The following ROBO2 variants were observed in gnomAD, a reference collection of about 807,000 sequenced individuals.
ROBO2 encodes roundabout homolog 2.
ROBO2 carries 53 observed loss-of-function variants against 160.8 expected under a neutral mutation model. The observed-to-expected ratio is 0.33, with a 90% CI of 0.26 to 0.41. The LOEUF is 0.41. Ranked by LOEUF, ROBO2 falls within the 10% of genes least tolerant of loss-of-function variation. The pLI is 1.00. For missense variants in ROBO2, 1,577 were observed against 1,722.4 expected (o/e 0.92, Z 1.49); for synonymous variants, 664 against 611.7 (o/e 1.09, Z -1.26).
At chr3:76,802,864 C>T (rs2108874549) in intron 2 of ROBO2, among the ~76,000 whole-genome samples, 1 of 152,138 alleles carries the variant, frequency 6.6e-6, no homozygotes, top group East Asian at 1.9e-4. Context: ...AATATTTAGC[C>T]ATATGCCACA....
At chr3:76,213,501 C>A (rs1262083339) in intron 2 of ROBO2, among the ~76,000 whole-genome samples, 2 of 151,920 alleles carry the variant, frequency 1.3e-5, no homozygotes, top group African/African-American at 4.8e-5. Flanking sequence ...AGATAATATT[C>A]AATGAAATAA....
chr3:76,615,107 G>C (rs923120942), intron 2 of ROBO2, among the ~76,000 whole-genome samples: 3 of 152,152 alleles, frequency 2.0e-5, no homozygotes, highest in Non-Finnish European at 4.4e-5. Flanking sequence ...ATGGTTTTTT[G>C]ATTTCACTAC....
intron 2 of ROBO2, chr3:77,316,737 T>C (rs1334894547): frequency 1.6e-5 from 15 of 929,174 alleles, no homozygotes; most frequent in Non-Finnish European, 5.4e-6. Flanking sequence ...AATTAAACAA[T>C]TGTATGGTAT....
At chr3:75,975,760 G>T (rs1487389661) in intron 2 of ROBO2, among the ~76,000 whole-genome samples, 1 of 151,586 alleles carries the variant, frequency 6.6e-6, no homozygotes, top group African/African-American at 2.4e-5. Flanking sequence ...AAGATTATGT[G>T]TGTATCTGTG....
chr3:76,328,178 G>T (rs1441313749), intron 2 of ROBO2, among the ~76,000 whole-genome samples: 1 of 152,126 alleles, frequency 6.6e-6, no homozygotes, highest in Non-Finnish European at 1.5e-5. Context: ...AATATTTATT[G>T]TCACTAGAAG....
At chr3:76,788,957 T>C (rs964584474) in intron 2 of ROBO2, among the ~76,000 whole-genome samples, 1 of 151,522 alleles carries the variant, frequency 6.6e-6, no homozygotes, top group African/African-American at 2.4e-5. Flanking sequence ...CTGTTGGTAA[T>C]CCTTAAATAA....
chr3:77,512,002 C>T (rs986679821), intron 5 of ROBO2, among the ~76,000 whole-genome samples: 1 of 151,926 alleles, frequency 6.6e-6, no homozygotes, highest in Non-Finnish European at 1.5e-5. Flanking sequence ...GGCAAATATT[C>T]ACCTCACCCA....
At chr3:77,596,008 T>C (rs917548698) in intron 18 of ROBO2, among the ~76,000 whole-genome samples, 2 of 152,156 alleles carry the variant, frequency 1.3e-5, no homozygotes, top group African/African-American at 4.8e-5. Context: ...ATTTTACTTA[T>C]AGACTATACT....
In ROBO2 at chr3:76,169,997, G is replaced by A. The variant is rs201297760; in HGVS notation, c.109+232395G>A. 7.9e-5 allele frequency among the ~76,000 whole-genome samples: 12 copies of A among 152,130 alleles called. No homozygotes were observed. In the East Asian group the frequency reaches 9.7e-4, roughly 12 times the overall value. ...GGGTTTTACCATGTTAGCCAGGATG[G>A]TCTCGATCTCCTGACCTCATGATCC... On this transcript the variant is annotated intron_variant, in intron 2 of 26. Coordinates refer to the ROBO2 transcript ENST00000487694.
intron 2 of ROBO2, among the ~76,000 whole-genome samples, chr3:75,978,365 T>A (rs530508232): frequency 2.6e-5 from 4 of 151,694 alleles, no homozygotes; most frequent in Non-Finnish European, 4.4e-5. Context: ...ATTATTTTAC[T>A]AATATTTTAT....
At chr3:77,216,727 A>G (rs2085015610) in intron 2 of ROBO2, among the ~76,000 whole-genome samples, 1 of 152,160 alleles carries the variant, frequency 6.6e-6, no homozygotes, top group African/African-American at 2.4e-5. Flanking sequence ...CCACCCCACA[A>G]ATAATTTTTT....
At chr3:75,957,704 G>C (rs1207653006) in intron 2 of ROBO2, among the ~76,000 whole-genome samples, 1 of 150,220 alleles carries the variant, frequency 6.7e-6, no homozygotes, top group East Asian at 2.0e-4. Flanking sequence ...TTACTAAGAG[G>C]GTTTTTTTTT....
chr3:77,295,688 G>C (rs1252416881), intron 2 of ROBO2, among the ~76,000 whole-genome samples: 1 of 150,896 alleles, frequency 6.6e-6, no homozygotes, highest in Non-Finnish European at 1.5e-5. Context: ...TGGTTAAACG[G>C]GAAGTTGAGG....
intron 1 of ROBO2, among the ~76,000 whole-genome samples, chr3:75,925,201 C>T (rs111395944): frequency 0.094 from 14,304 of 151,594 alleles, 2,189 homozygotes; most frequent in African/African-American, 0.32. Flanking sequence ...CAGATCAGCC[C>T]GGGCAACATG....
Position 76,664,943 on chromosome 3 carries a change from G to T in ROBO2, c.110-433071G>T, listed in dbSNP as rs976795600. Among the ~76,000 whole-genome samples the T allele has an allele frequency of 1.8e-4, 28 of 152,248 alleles. 1 individual carries two copies. The highest frequency in any genetic ancestry group is 6.3e-4 in the African/African-American group (26 of 41,550). ...AGGAGACAGTACTGGAAAGAATGGT[G>T]GTCAACAGAGTCAAACGCTACAGAG... On this transcript the variant is annotated intron_variant, in intron 2 of 26. Transcript: ENST00000487694.
At chr3:76,391,642 C>G (rs997813842) in intron 2 of ROBO2, among the ~76,000 whole-genome samples, 1 of 152,032 alleles carries the variant, frequency 6.6e-6, no homozygotes, top group African/African-American at 2.4e-5. Flanking sequence ...CTGCCTCAGG[C>G]TCCCGGACTA....
chr3:76,549,009 A>G (rs968639432), intron 2 of ROBO2, among the ~76,000 whole-genome samples: 2 of 152,148 alleles, frequency 1.3e-5, no homozygotes, highest in Non-Finnish European at 2.9e-5. Flanking sequence ...ATTATTGTAG[A>G]GATAGAGTAT....
At chr3:76,640,539 TAATA>T (rs56257359) in intron 2 of ROBO2, among the ~76,000 whole-genome samples, 5,134 of 144,568 alleles carry the variant, frequency 0.036, 106 homozygotes, top group Middle Eastern at 0.077. Context: ...GTCTCAAAAA[TAATA>T]AATAAATAAA....
At chr3:76,690,719 C>T (rs1341617671) in intron 2 of ROBO2, among the ~76,000 whole-genome samples, 6 of 152,062 alleles carry the variant, frequency 3.9e-5, no homozygotes, top group Admixed American at 2.0e-4. Flanking sequence ...TCTGGCTTCT[C>T]GCTATTGTAT....
Sources: gnomAD v4.1 joint callset for allele counts (sites outside exome capture counted in the v4.1 genomes callset) on GRCh38, gnomAD v4.1.1 for gene constraint, MANE v1.5 for transcripts, NCBI Gene and HGNC (gene_info 2026-07-23, HGNC 2026-07-21) for gene names.